Variants in SSBP4 observed in about 807,000 individuals in gnomAD.
SSBP4 encodes single stranded DNA binding protein 4.
SSBP4 carries 33 observed loss-of-function variants against 64.6 expected under a neutral mutation model. The observed-to-expected ratio is 0.51, with a 90% CI of 0.39 to 0.68. The LOEUF is 0.68. Among genes scored for constraint, SSBP4 ranks in the 30% least tolerant of loss-of-function variants. SSBP4 has a pLI of 0.00. For synonymous variants in SSBP4, 243 were observed against 224.0 expected (o/e 1.08, Z -0.76); for missense variants, 583 against 566.8 (o/e 1.03, Z -0.29).
At chr19:18,409,406 C>T in the SSBP4 span, among the ~76,000 whole-genome samples, 3 of 152,092 alleles carry the variant, frequency 2.0e-5, no homozygotes, top group Non-Finnish European at 2.9e-5. Context: ...CATCTGTTCT[C>T]GAACTCCTCA....
chr19:18,412,700 CAT>C, the SSBP4 span, among the ~76,000 whole-genome samples: 1 of 152,194 alleles, frequency 6.6e-6, no homozygotes, highest in South Asian at 2.1e-4. Flanking sequence ...CCATCTGTAA[CAT>C]GGGGAGAAGA....
upstream of SSBP4, among the ~76,000 whole-genome samples, chr19:18,417,005 T>C (rs1003120201): frequency 1.3e-5 from 2 of 152,098 alleles, no homozygotes; most frequent in African/African-American, 4.8e-5. The surrounding 1 kb of genome is among the most constrained non-coding windows in gnomAD (Gnocchi z 5.4). Context: ...CGCTCCTCGC[T>C]CCCGCCCTCC....
At position 18,423,111 on chromosome 19, in the gene SSBP4, G is replaced by A. The variant is rs1464513917; in HGVS notation, c.59+3404G>A. On this transcript the variant is annotated intron_variant, in intron 1 of 17. Transcript: ENST00000270061. This position sits in a 1 kb window ranked among gnomAD's most constrained non-coding sequence, Gnocchi z 4.0. ...TGGGCTGAGGGAGGCTGGGGTCTGA[G>A]TGGGCCACTTGCAAGAAGAGGGGCA... 6.6e-6 allele frequency among the ~76,000 whole-genome samples: 1 copy of A among 152,236 alleles called. No individual in the cohort carries two copies. The highest frequency in any genetic ancestry group is 2.4e-5 in the African/African-American group (1 of 41,468).
upstream of SSBP4, among the ~76,000 whole-genome samples, chr19:18,416,455 C>A (rs998403218): frequency 1.3e-5 from 2 of 152,168 alleles, no homozygotes; most frequent in East Asian, 1.9e-4. Context: ...GGGCTACAGG[C>A]ACACGCTGCC....
At chr19:18,416,903 C>A (rs1327275147), upstream of SSBP4, among the ~76,000 whole-genome samples, 2 of 152,226 alleles carry the variant, frequency 1.3e-5, no homozygotes, top group Non-Finnish European at 2.9e-5. Flanking sequence ...AGCTCCCCGA[C>A]GCCGCGTGGG....
intron 4 of SSBP4, among the ~76,000 whole-genome samples, chr19:18,429,431 C>G (rs940160705): frequency 5.3e-5 from 8 of 150,348 alleles, no homozygotes; most frequent in African/African-American, 2.0e-4. Flanking sequence ...GGATTAACTG[C>G]TCAGGGCCTA....
At chr19:18,416,188 T>A (rs377123477), upstream of SSBP4, among the ~76,000 whole-genome samples, 11 of 152,196 alleles carry the variant, frequency 7.2e-5, no homozygotes, top group East Asian at 1.9e-3. Context: ...CTAATTTTTG[T>A]GTTTTGAGTA....
At chr19:18,420,639 C>G (rs1408451542) in intron 1 of SSBP4, among the ~76,000 whole-genome samples, 1 of 152,066 alleles carries the variant, frequency 6.6e-6, no homozygotes, top group Non-Finnish European at 1.5e-5. Context: ...GCGGTCGGAT[C>G]ACGAGGCCAA....
the SSBP4 span, among the ~76,000 whole-genome samples, chr19:18,412,830 C>A: frequency 1.3e-5 from 2 of 152,168 alleles, no homozygotes; most frequent in Non-Finnish European, 2.9e-5. Context: ...TGAGGTTCAG[C>A]GAGAGCACTG....
the SSBP4 span, among the ~76,000 whole-genome samples, chr19:18,409,660 A>G: frequency 6.6e-6 from 1 of 152,192 alleles, no homozygotes; most frequent in Non-Finnish European, 1.5e-5. Context: ...CAGTGGCACA[A>G]TCATGGCTCC....
the SSBP4 span, among the ~76,000 whole-genome samples, chr19:18,406,696 G>C: frequency 0.57 from 87,077 of 151,728 alleles, 28,025 homozygotes; most frequent in African/African-American, 0.88. Context: ...CCGCAGGTCC[G>C]CTGCTGGTGG....
chr19:18,415,616 G>C (rs1972125927), upstream of SSBP4, among the ~76,000 whole-genome samples: 3 of 152,134 alleles, frequency 2.0e-5, no homozygotes, highest in Admixed American at 2.0e-4. Flanking sequence ...AGGAAGAGGA[G>C]GAGTTGGCCT....
chr19:18,403,734 T>G, the SSBP4 span, among the ~76,000 whole-genome samples: 1 of 149,976 alleles, frequency 6.7e-6, no homozygotes, highest in Non-Finnish European at 1.5e-5. Flanking sequence ...GGTCTGGGGG[T>G]GCTGGGGTCT....
chr19:18,421,170 C>T (rs1600285568), intron 1 of SSBP4, among the ~76,000 whole-genome samples: 4 of 152,240 alleles, frequency 2.6e-5, no homozygotes, highest in Admixed American at 2.6e-4. Flanking sequence ...GATGCCTGTC[C>T]CCTCTGCCCA....
chr19:18,431,332 C>T (rs779888730), intron 5 of SSBP4, 21 bp from the exon 6 acceptor site: 1 of 686,654 alleles, frequency 1.5e-6, no homozygotes. Flanking sequence ...CCCCCCCACC[C>T]ACCTGGTTCT....
the SSBP4 span, among the ~76,000 whole-genome samples, chr19:18,411,008 C>T: frequency 6.6e-6 from 1 of 152,292 alleles, no homozygotes; most frequent in South Asian, 2.1e-4. Flanking sequence ...GGCGCGGTGG[C>T]TCACGCCTGT....
At chr19:18,430,373 G>C (rs1485120764) in intron 4 of SSBP4, among the ~76,000 whole-genome samples, 1 of 152,202 alleles carries the variant, frequency 6.6e-6, no homozygotes, top group East Asian at 1.9e-4. Flanking sequence ...TTCTCCATCT[G>C]AGAGAGGCTG....
At chr19:18,409,515 T>A in the SSBP4 span, among the ~76,000 whole-genome samples, 1 of 152,104 alleles carries the variant, frequency 6.6e-6, no homozygotes, top group Admixed American at 6.6e-5. Flanking sequence ...TTTTACTTTC[T>A]TAATAAATTT....
upstream of SSBP4, among the ~76,000 whole-genome samples, chr19:18,417,719 C>T (rs892875228): frequency 6.6e-6 from 1 of 152,140 alleles, no homozygotes; most frequent in African/African-American, 2.4e-5. This position sits in a 1 kb window ranked among gnomAD's most constrained non-coding sequence, Gnocchi z 5.4. Context: ...GAAGGGGCGG[C>T]CGGCTGGACA....
Sources: allele counts gnomAD v4.1 joint callset (sites outside exome capture counted in the v4.1 genomes callset), GRCh38; gene constraint gnomAD v4.1.1; non-coding constraint Gnocchi (gnomAD v3.1); transcripts MANE v1.5; gene names NCBI Gene and HGNC (gene_info 2026-07-23, HGNC 2026-07-21).